Variants in CNTN4 observed in about 807,000 individuals in gnomAD.
CNTN4 encodes contactin-4.
In CNTN4, 77 loss-of-function variants were observed where a neutral mutation model predicts 122.5. That is an observed-to-expected ratio of 0.63 (90% CI 0.52 to 0.76). The LOEUF is 0.76. CNTN4 is among the 30% of genes least tolerant of loss of function. The pLI is 0.00. For synonymous variants in CNTN4, 512 were observed against 447.0 expected (o/e 1.15, Z -1.83); for missense variants, 1,256 against 1,259.1 (o/e 1.00, Z 0.04).
At chr3:2,980,560 G>C (rs1328252539) in intron 13 of CNTN4, among the ~76,000 whole-genome samples, 3 of 152,140 alleles carry the variant, frequency 2.0e-5, no homozygotes, top group Non-Finnish European at 4.4e-5. Context: ...ATCTCATCCA[G>C]AAACAAACAT....
chr3:2,843,618 G>A (rs1046839530), intron 7 of CNTN4, among the ~76,000 whole-genome samples: 6 of 152,116 alleles, frequency 3.9e-5, no homozygotes, highest in African/African-American at 9.7e-5. Context: ...GTGAGTTCTC[G>A]TGAAATCTGA....
chr3:2,798,952 C>T (rs958523145), intron 6 of CNTN4, among the ~76,000 whole-genome samples: 2 of 152,170 alleles, frequency 1.3e-5, no homozygotes, highest in Non-Finnish European at 1.5e-5. Flanking sequence ...ATTTACACTC[C>T]TACCGATGGT....
chr3:2,232,660 T>TG (rs766967208), intron 2 of CNTN4, among the ~76,000 whole-genome samples: 4 of 152,208 alleles, frequency 2.6e-5, no homozygotes, highest in Non-Finnish European at 1.5e-5. Context: ...CAAAAATGTA[T>TG]GTGAATGTCT....
intron 4 of CNTN4, among the ~76,000 whole-genome samples, chr3:2,711,172 C>G (rs1489240057): frequency 1.3e-5 from 2 of 152,114 alleles, no homozygotes; most frequent in African/African-American, 4.8e-5. Context: ...GTCACAAACC[C>G]AGATGCCTAC....
At chr3:2,342,526 C>T (rs960381479) in intron 3 of CNTN4, among the ~76,000 whole-genome samples, 2 of 152,156 alleles carry the variant, frequency 1.3e-5, no homozygotes, top group African/African-American at 4.8e-5. Flanking sequence ...TTGTAGTTCC[C>T]ATAATCCCCA....
intron 2 of CNTN4, among the ~76,000 whole-genome samples, chr3:2,235,326 A>T (rs1482829378): frequency 6.6e-6 from 1 of 152,212 alleles, no homozygotes; most frequent in Non-Finnish European, 1.5e-5. Context: ...TTAATATCCA[A>T]GTTAACTTTG....
chr3:2,767,567 TAG>T (rs1255614918), intron 6 of CNTN4, among the ~76,000 whole-genome samples: 2 of 152,212 alleles, frequency 1.3e-5, no homozygotes, highest in African/African-American at 4.8e-5. Flanking sequence ...AATTTTCAGT[TAG>T]TTGCCCCATT....
intron 5 of CNTN4, among the ~76,000 whole-genome samples, chr3:2,743,029 A>G (rs538297365): frequency 2.2e-4 from 33 of 152,286 alleles, no homozygotes; most frequent in African/African-American, 7.7e-4. Context: ...AGATTAATGG[A>G]CTTTCTGCAC....
At chr3:3,045,326 C>G (rs1700534522) in intron 23 of CNTN4, among the ~76,000 whole-genome samples, 3 of 152,218 alleles carry the variant, frequency 2.0e-5, no homozygotes, top group African/African-American at 7.2e-5. Context: ...TGGACAGACT[C>G]CCTCCTCAAG....
chr3:2,705,975 T>A (rs2086708344), intron 4 of CNTN4, among the ~76,000 whole-genome samples: 1 of 133,874 alleles, frequency 7.5e-6, no homozygotes, highest in Non-Finnish European at 1.5e-5. Flanking sequence ...AAATATATAT[T>A]ATATAAAATA....
chr3:2,747,200 G>T (rs942630222), intron 6 of CNTN4, among the ~76,000 whole-genome samples: 1 of 152,040 alleles, frequency 6.6e-6, no homozygotes, highest in Non-Finnish European at 1.5e-5. Context: ...ACGAGGTCAG[G>T]AGATCGAGAC....
At chr3:2,473,207 G>A (rs2075737035) in intron 3 of CNTN4, among the ~76,000 whole-genome samples, 1 of 144,922 alleles carries the variant, frequency 6.9e-6, no homozygotes, top group African/African-American at 2.6e-5. Context: ...CTCCAGCCTG[G>A]GCAACAAGAG....
rs71058629 is a variant in CNTN4 at position 2,591,352 on chromosome 3, C to CTTTTTTT, written c.55+19818_55+19824dup. On this transcript the variant is annotated intron_variant, in intron 4 of 24. Transcript: ENST00000418658. The stretch of plus-strand genomic sequence containing the variant: ...CTTTGAAGAACTAGTAGATTTGTGA[C>CTTTTTTT]TTTTTTTTTTTTTTTTTTTTTTTTT... 1.3e-3 allele frequency among the ~76,000 whole-genome samples: 48 copies of CTTTTTTT among 36,394 alleles called. 12 individuals carry two copies. Among genetic ancestry groups the CTTTTTTT allele is most frequent in the African/African-American group, 4.0e-3 (41 of 10,294 alleles). The allele number at this position is 36,394 out of a possible 152,430, so 23.9% of individuals were successfully genotyped here.
At chr3:2,860,292 G>A (rs1391290232) in intron 7 of CNTN4, among the ~76,000 whole-genome samples, 2 of 152,236 alleles carry the variant, frequency 1.3e-5, no homozygotes, top group Admixed American at 1.3e-4. Flanking sequence ...ATGATTCTCA[G>A]TCTGTGTCTG....
At chr3:2,716,388 A>G (rs2149367890) in intron 4 of CNTN4, among the ~76,000 whole-genome samples, 1 of 151,788 alleles carries the variant, frequency 6.6e-6, no homozygotes, top group African/African-American at 2.4e-5. Context: ...TTTAAGGATT[A>G]AGTGAGATAC....
Position 3,030,966 on chromosome 3 carries a change from A to C in CNTN4, c.1774A>C (p.Ile592Leu). 1 of 1,614,048 alleles carries C rather than the reference A, an allele frequency of 6.2e-7. No homozygotes were observed. Among genetic ancestry groups the C allele is most frequent in the Non-Finnish European group, 8.5e-7 (1 of 1,179,926 alleles). ...VDRLSAAADLIVRGPPGPPEA... is the reference protein window; with the variant it reads ...VDRLSAAADLLVRGPPGPPEA... ...CAGGCTATCTGCTGCTGCAGACCTG[A>C]TTGTAAGAGGTACTGGATTTTGTTG... Residue 592 changes from isoleucine to leucine, a missense_variant, in exon 16 of 25, where the codon ATT (isoleucine) becomes CTT (leucine). Physicochemically the swap from Ile to Leu is conservative, Grantham distance 5. Transcript: ENST00000418658.
intron 2 of CNTN4, among the ~76,000 whole-genome samples, chr3:2,130,329 T>C (rs2034391776): frequency 6.6e-6 from 1 of 152,132 alleles, no homozygotes; most frequent in South Asian, 2.1e-4. Flanking sequence ...GGAGCAGCAG[T>C]CCCAAGATGG....
At chr3:2,582,307 G>C (rs1426283945) in intron 4 of CNTN4, among the ~76,000 whole-genome samples, 2 of 152,122 alleles carry the variant, frequency 1.3e-5, no homozygotes, top group Non-Finnish European at 2.9e-5. Context: ...TCCTATCCCA[G>C]TTCTCTCATT....
intron 4 of CNTN4, among the ~76,000 whole-genome samples, chr3:2,629,196 G>T (rs2600321): frequency 0.7 from 106,523 of 151,978 alleles, 38,074 homozygotes; most frequent in African/African-American, 0.83. Flanking sequence ...ACATCAGGGA[G>T]ACATACACAG....
Sources: gnomAD v4.1 joint callset for allele counts (sites outside exome capture counted in the v4.1 genomes callset) on GRCh38, gnomAD v4.1.1 for gene constraint, MANE v1.5 for transcripts, NCBI Gene and HGNC (gene_info 2026-07-23, HGNC 2026-07-21) for gene names.